The following DPP6 variants were observed in gnomAD, a reference collection of about 807,000 sequenced individuals.
DPP6 encodes the protein A-type potassium channel modulatory protein DPP6.
Under a neutral mutation model 122.6 loss-of-function variants are expected in DPP6, and 69 were observed. The observed-to-expected ratio is 0.56, with a 90% CI of 0.46 to 0.69. The LOEUF (loss-of-function observed/expected upper bound fraction) is 0.69, where lower values mean the gene tolerates loss of function less well. DPP6 is among the 30% of genes least tolerant of loss of function. DPP6 has a pLI of 0.00. For synonymous variants in DPP6, 418 were observed against 433.1 expected, an observed-to-expected ratio of 0.97 and a Z score of 0.43; for missense variants, 928 against 1,116.9, an observed-to-expected ratio of 0.83 and a Z score of 2.41.
intron 1 of DPP6, among the ~76,000 whole-genome samples, chr7:154,225,582 A>G (rs1261978721): frequency 2.6e-5 from 4 of 152,088 alleles, no homozygotes; most frequent in Non-Finnish European, 4.4e-5. Context: ...GAGAAAAAAA[A>G]ATCTCATTGG....
chr7:153,887,614 A>T, exon 1 of DPP6: 1 of 1,581,166 alleles, frequency 6.3e-7, no homozygotes, highest in Non-Finnish European at 8.7e-7. Context: ...AGTCTACTTT[A>T]ATCCTCACCA....
At chr7:154,149,027 G>A (rs1796269395) in intron 1 of DPP6, among the ~76,000 whole-genome samples, 1 of 152,204 alleles carries the variant, frequency 6.6e-6, no homozygotes, top group South Asian at 2.1e-4. Context: ...CGATGAGTAT[G>A]GTGCAGTATC....
the DPP6 span, among the ~76,000 whole-genome samples, chr7:153,831,949 T>A: frequency 6.6e-6 from 1 of 152,168 alleles, no homozygotes; most frequent in Non-Finnish European, 1.5e-5. Context: ...GATTTATGAT[T>A]TCATAAAGTT....
chr7:154,801,583 T>TTCGAGGAC, intron 13 of DPP6, 121 bp downstream of exon 13: 1 of 1,384,530 alleles, frequency 7.2e-7, no homozygotes, highest in Non-Finnish European at 9.5e-7. Context: ...TGAAGGTGGT[T>TTCGAGGAC]CCCGAAGGCA....
At chr7:154,575,392 GTAGT>G (rs1831538600) in intron 5 of DPP6, among the ~76,000 whole-genome samples, 1 of 89,238 alleles carries the variant, frequency 1.1e-5, no homozygotes, top group Non-Finnish European at 2.1e-5. Flanking sequence ...TGATGTGTGT[GTAGT>G]GTGTGTGTGG....
intron 1 of DPP6, among the ~76,000 whole-genome samples, chr7:154,086,490 C>T (rs2150539386): frequency 6.7e-6 from 1 of 148,458 alleles, no homozygotes; most frequent in South Asian, 2.2e-4. Context: ...CAGACACAAC[C>T]CCTTTCTCAT....
At chr7:154,575,466 G>T (rs1467297754) in intron 5 of DPP6, among the ~76,000 whole-genome samples, 1 of 23,018 alleles carries the variant, frequency 4.3e-5, no homozygotes, top group Non-Finnish European at 6.5e-5. Flanking sequence ...GTGNGCGGGT[G>T]TATGTGTGTG....
chr7:154,338,511 A>G (rs763189759), intron 1 of DPP6, among the ~76,000 whole-genome samples: 5 of 152,206 alleles, frequency 3.3e-5, no homozygotes, highest in Non-Finnish European at 7.3e-5. Flanking sequence ...GCCAAAAGAA[A>G]AAGAAAGAAA....
chr7:153,980,734 C>T (rs558473335), intron 1 of DPP6, among the ~76,000 whole-genome samples: 1 of 152,194 alleles, frequency 6.6e-6, no homozygotes, highest in African/African-American at 2.4e-5. Flanking sequence ...CCCAGGGATT[C>T]TGGTACATTG....
chr7:153,766,607 G>GT, the DPP6 span, among the ~76,000 whole-genome samples: 39 of 151,904 alleles, frequency 2.6e-4, no homozygotes, highest in African/African-American at 6.5e-4. Flanking sequence ...GAATCCATGA[G>GT]TTTTTTTTAA....
the DPP6 span, among the ~76,000 whole-genome samples, chr7:153,787,030 C>A: frequency 6.8e-6 from 1 of 147,116 alleles, no homozygotes; most frequent in Admixed American, 6.8e-5. Context: ...CAGTTCACTG[C>A]AAGCTCCGCT....
intron 1 of DPP6, among the ~76,000 whole-genome samples, chr7:154,432,445 C>A (rs958826689): frequency 1.3e-5 from 2 of 152,090 alleles, no homozygotes; most frequent in African/African-American, 4.8e-5. Context: ...ACATTTTGGA[C>A]AAAAAGAGGC....
chr7:153,784,032 G>C, the DPP6 span, among the ~76,000 whole-genome samples: 1 of 152,226 alleles, frequency 6.6e-6, no homozygotes, highest in Admixed American at 6.5e-5. Context: ...CTGGAACACA[G>C]TAGTTACCCT....
chr7:153,975,610 G>A (rs1286755212), intron 1 of DPP6, among the ~76,000 whole-genome samples: 1 of 151,072 alleles, frequency 6.6e-6, no homozygotes, highest in Non-Finnish European at 1.5e-5. Flanking sequence ...GGTAGAGTAA[G>A]TCATACCTAA....
chr7:154,090,040 A>G (rs1563188142), intron 1 of DPP6, among the ~76,000 whole-genome samples: 1 of 152,142 alleles, frequency 6.6e-6, no homozygotes, highest in South Asian at 2.1e-4. Context: ...CTTCTCCTCC[A>G]TTTCTATGCC....
chr7:153,786,107 T>C, the DPP6 span, among the ~76,000 whole-genome samples: 3 of 152,208 alleles, frequency 2.0e-5, no homozygotes, highest in Admixed American at 6.5e-5. Flanking sequence ...ATTTTATAAT[T>C]GGCCATGTAC....
intron 1 of DPP6, among the ~76,000 whole-genome samples, chr7:153,924,740 G>A (rs1800810189): frequency 6.6e-6 from 1 of 152,184 alleles, no homozygotes; most frequent in East Asian, 1.9e-4. Context: ...CAGATTGAAA[G>A]AGCAGAGGGT....
Position 154,187,768 on chromosome 7 carries a change from G to A in DPP6, c.243+134705G>A, listed in dbSNP as rs559366846. On this transcript the variant is annotated intron_variant, in intron 1 of 25. Coordinates refer to ENST00000377770, the MANE Select transcript of DPP6 (RefSeq NM_130797.4). Reference sequence around the variant, plus strand: ...CAGTTTTTCTCACCTGTAAAATTGGGGAAGAGGGTGTAGATGAAATCAGCA... The same window carrying A: ...CAGTTTTTCTCACCTGTAAAATTGGAGAAGAGGGTGTAGATGAAATCAGCA... Among the ~76,000 whole-genome samples the A allele has an allele frequency of 6.8e-4, 103 of 152,178 alleles. 2 individuals carry two copies. In the South Asian group the frequency reaches 1.0e-2, roughly 15 times the overall value.
chr7:154,790,251 T>A (rs1386003833), intron 10 of DPP6, among the ~76,000 whole-genome samples: 1 of 152,154 alleles, frequency 6.6e-6, no homozygotes, highest in Non-Finnish European at 1.5e-5. Flanking sequence ...CTGATGCAAC[T>A]CATGGACTTA....
Sources: gnomAD v4.1 joint callset for allele counts (sites outside exome capture counted in the v4.1 genomes callset) on GRCh38, gnomAD v4.1.1 for gene constraint, MANE v1.5 for transcripts, NCBI Gene and HGNC (gene_info 2026-07-23, HGNC 2026-07-21) for gene names.